The following FOXP1 variants were observed in gnomAD, a reference collection of about 807,000 sequenced individuals.
The protein encoded by FOXP1 is forkhead box protein P1.
Under a neutral mutation model 98.2 loss-of-function variants are expected in FOXP1, and 15 were observed. The observed-to-expected ratio is 0.15, with a 90% CI of 0.10 to 0.24. The LOEUF (loss-of-function observed/expected upper bound fraction) is 0.24. FOXP1 is among the 10% of genes least tolerant of loss of function. The pLI, the probability that FOXP1 is intolerant of heterozygous loss-of-function variation, is 1.00. For missense variants in FOXP1, 633 were observed against 848.5 expected (o/e 0.75, Z 3.15); for synonymous variants, 371 against 314.5 (o/e 1.18, Z -1.90).
At chr3:71,290,620 C>A (rs2072646524) in intron 5 of FOXP1, among the ~76,000 whole-genome samples, 1 of 152,116 alleles carries the variant, frequency 6.6e-6, no homozygotes, top group Non-Finnish European at 1.5e-5. Flanking sequence ...CTCAATGGCT[C>A]CCCAATAAGA....
intron 6 of FOXP1, among the ~76,000 whole-genome samples, chr3:71,133,544 C>T (rs927796594): frequency 2.0e-5 from 3 of 152,170 alleles, no homozygotes; most frequent in Admixed American, 2.0e-4. Context: ...ACCTGATCCC[C>T]GTGGCCATTG....
At chr3:71,008,450 T>C (rs941244220) in intron 12 of FOXP1, among the ~76,000 whole-genome samples, 1 of 152,194 alleles carries the variant, frequency 6.6e-6, no homozygotes, top group Non-Finnish European at 1.5e-5. Context: ...GGACTTGTTT[T>C]TGTTTTTCTG....
chr3:71,539,694 T>C (rs528580455), intron 2 of FOXP1, among the ~76,000 whole-genome samples: 2 of 152,332 alleles, frequency 1.3e-5, no homozygotes, highest in African/African-American at 4.8e-5. Context: ...TTATACTTCT[T>C]TTATTATATC....
intron 9 of FOXP1, among the ~76,000 whole-genome samples, chr3:71,050,795 T>C (rs1002225485): frequency 6.6e-6 from 1 of 152,354 alleles, no homozygotes; most frequent in Admixed American, 6.5e-5. Flanking sequence ...GAAACAGGCC[T>C]GTCATGTTGA....
At chr3:71,090,438 A>G (rs2055680221) in intron 7 of FOXP1, among the ~76,000 whole-genome samples, 1 of 152,178 alleles carries the variant, frequency 6.6e-6, no homozygotes, top group Admixed American at 6.5e-5. Flanking sequence ...GGGGGGAAAA[A>G]GTAACAGGGC....
At chr3:71,301,773 A>G (rs1367833432) in intron 4 of FOXP1, among the ~76,000 whole-genome samples, 1 of 152,200 alleles carries the variant, frequency 6.6e-6, no homozygotes, top group South Asian at 2.1e-4. Context: ...CCAGTGCTGC[A>G]TTTGAACCTG....
chr3:71,141,329 C>CTCA (rs1305767146), intron 6 of FOXP1, among the ~76,000 whole-genome samples: 5 of 147,882 alleles, frequency 3.4e-5, no homozygotes, highest in Admixed American at 3.4e-4. Context: ...ACTTGAAAAA[C>CTCA]TCATCACACG....
chr3:71,274,112 A>G (rs990379454), intron 5 of FOXP1, among the ~76,000 whole-genome samples: 1 of 152,162 alleles, frequency 6.6e-6, no homozygotes, highest in African/African-American at 2.4e-5. Flanking sequence ...ATTTCACATC[A>G]AAAAGGACTT....
chr3:71,288,706 G>A (rs2072432154), intron 5 of FOXP1, among the ~76,000 whole-genome samples: 2 of 152,236 alleles, frequency 1.3e-5, no homozygotes, highest in South Asian at 4.2e-4. Context: ...CTTTTTCACT[G>A]CTCACAGGTT....
intron 3 of FOXP1, among the ~76,000 whole-genome samples, chr3:71,391,789 G>A (rs1014464571): frequency 4.3e-4 from 65 of 152,304 alleles, no homozygotes; most frequent in Non-Finnish European, 2.2e-4. Context: ...AAATTTCACT[G>A]CAGCAATCTA....
intron 4 of FOXP1, among the ~76,000 whole-genome samples, chr3:71,337,455 A>G (rs2076753411): frequency 1.3e-5 from 2 of 152,344 alleles, no homozygotes; most frequent in South Asian, 4.1e-4. Context: ...TCTGTGCGCG[A>G]GCATGTGTAT....
chr3:71,128,017 T>C (rs1298865044), intron 6 of FOXP1, among the ~76,000 whole-genome samples: 1 of 152,196 alleles, frequency 6.6e-6, no homozygotes, highest in Non-Finnish European at 1.5e-5. Context: ...TTCCCTTATA[T>C]AGTCAAGGAA....
intron 5 of FOXP1, among the ~76,000 whole-genome samples, chr3:71,294,466 G>T (rs1469789573): frequency 6.6e-6 from 1 of 151,992 alleles, no homozygotes; most frequent in African/African-American, 2.4e-5. Context: ...CATCAGCATC[G>T]TCATTCATGT....
chr3:71,233,947 G>A (rs2106805850), intron 5 of FOXP1, among the ~76,000 whole-genome samples: 1 of 152,176 alleles, frequency 6.6e-6, no homozygotes, highest in African/African-American at 2.4e-5. Flanking sequence ...TGTTCTCAAT[G>A]TTCTCTGGAA....
intron 5 of FOXP1, among the ~76,000 whole-genome samples, chr3:71,209,313 G>C (rs1420323974): frequency 1.3e-5 from 2 of 152,028 alleles, no homozygotes; most frequent in Non-Finnish European, 2.9e-5. Context: ...TCATTTCTTG[G>C]GCTCATCTTC....
At chr3:71,251,324 G>A (rs1466259809) in intron 5 of FOXP1, among the ~76,000 whole-genome samples, 2 of 152,134 alleles carry the variant, frequency 1.3e-5, no homozygotes, top group Non-Finnish European at 2.9e-5. Flanking sequence ...AAGCAGTCAC[G>A]TGCCTCCATC....
intron 3 of FOXP1, among the ~76,000 whole-genome samples, chr3:71,435,178 G>A (rs1044558423): frequency 2.9e-5 from 4 of 137,454 alleles, no homozygotes; most frequent in Non-Finnish European, 3.1e-5. Flanking sequence ...GAAAGGGGAC[G>A]GTAGAAAGGG....
chr3:71,505,228 A>C (rs1290852881), intron 2 of FOXP1, among the ~76,000 whole-genome samples: 2 of 151,952 alleles, frequency 1.3e-5, no homozygotes, highest in Non-Finnish European at 2.9e-5. Context: ...ACTGTCTAAA[A>C]CCCTTGGCTT....
chr3:70,972,457 G>T, intron 18 of FOXP1, 98 bp downstream of exon 18: 1 of 1,543,118 alleles, frequency 6.5e-7, no homozygotes, highest in East Asian at 2.2e-5. Flanking sequence ...CGTGAAACCA[G>T]TTCTTTGGTC....
Sources: allele counts gnomAD v4.1 joint callset (sites outside exome capture counted in the v4.1 genomes callset), GRCh38; gene constraint gnomAD v4.1.1; transcripts MANE v1.5; gene names NCBI Gene and HGNC (gene_info 2026-07-23, HGNC 2026-07-21).